Variants in ARSJ observed in about 807,000 individuals in gnomAD.
ARSJ encodes the protein arylsulfatase J.
A neutral mutation model predicts 35.9 loss-of-function variants in ARSJ; 26 were observed. The observed-to-expected ratio is 0.72, with a 90% CI of 0.53 to 1.00. The LOEUF is 1.00. ARSJ is among the 50% of genes least tolerant of loss of function. The pLI is 0.00. For missense variants in ARSJ, 667 were observed against 723.6 expected (o/e 0.92, Z 0.90); for synonymous variants, 294 against 267.6 (o/e 1.10, Z -0.96).
At chr4:113,930,275 T>C (rs959200243) in intron 1 of ARSJ, among the ~76,000 whole-genome samples, 1 of 152,082 alleles carries the variant, frequency 6.6e-6, no homozygotes, top group Admixed American at 6.6e-5. Flanking sequence ...ACTGAAGGAC[T>C]TGGAGTCTGA....
At chr4:113,919,994 T>A (rs145231353) in intron 1 of ARSJ, among the ~76,000 whole-genome samples, 2 of 151,746 alleles carry the variant, frequency 1.3e-5, no homozygotes, top group South Asian at 4.2e-4. Context: ...TCTATAGAAA[T>A]AAAGCACTTC....
intron 1 of ARSJ, among the ~76,000 whole-genome samples, chr4:113,906,509 C>G (rs1033794313): frequency 7.2e-5 from 11 of 152,098 alleles, no homozygotes; most frequent in Non-Finnish European, 2.9e-5. Flanking sequence ...AAATTTAAAA[C>G]CAGCAACATA....
intron 1 of ARSJ, among the ~76,000 whole-genome samples, chr4:113,917,342 C>A (rs1383649560): frequency 6.6e-6 from 1 of 152,110 alleles, no homozygotes; most frequent in Admixed American, 6.6e-5. Flanking sequence ...TATTCTTGAG[C>A]TTTTGCAATC....
chr4:113,950,523 G>A (rs1188765303), intron 1 of ARSJ, among the ~76,000 whole-genome samples: 1 of 151,978 alleles, frequency 6.6e-6, no homozygotes, highest in Non-Finnish European at 1.5e-5. Flanking sequence ...CAACAGTTGT[G>A]AGACAAATCT....
At chr4:113,912,106 G>A (rs970537775) in intron 1 of ARSJ, among the ~76,000 whole-genome samples, 5 of 152,170 alleles carry the variant, frequency 3.3e-5, no homozygotes, top group East Asian at 1.9e-4. Flanking sequence ...ATAGAGATTT[G>A]AGACTCATTA....
intron 1 of ARSJ, among the ~76,000 whole-genome samples, chr4:113,917,992 G>T (rs183654763): frequency 2.0e-5 from 3 of 152,232 alleles, no homozygotes; most frequent in African/African-American, 7.2e-5. Context: ...AAGAAATTAC[G>T]GAGTTCAATA....
rs1390027408 is a variant in ARSJ at position 113,978,533 on chromosome 4, G to A, written c.302C>T (p.Pro101Leu). 1.9e-6 allele frequency: 3 copies of A among 1,614,190 alleles called. No homozygotes were observed. Among genetic ancestry groups the A allele is most frequent in the East Asian group, 4.5e-5 (2 of 44,890 alleles). Residue 101 changes from proline to leucine, a missense_variant, in exon 1 of 2, where the codon CCT becomes CTT. Physicochemically the swap from Pro to Leu is moderately conservative, Grantham distance 98. Transcript: ENST00000315366. ...VGYHGSEIKT[P>L]TLDKLAAEGV... ...TTCGGCAGCGAGCTTGTCAAGAGTA[G>A]GTGTTTTAATCTCAGATCCGTGGTA...
rs70961865 is a variant in ARSJ, at chr4:113,979,104, G to GA, written c.-271dup. ...CCTCCCTAGAGCAGCTTCCACCAAG[G>GA]AAAAAAAAAAGAAAAAAGTTAATAT... On this transcript the variant is annotated 5_prime_UTR_variant, in exon 1 of 2. Coordinates refer to ENST00000315366, the MANE Select transcript of ARSJ (RefSeq NM_024590.4). The GA allele has an allele frequency of 0.39, 111,934 of 283,622 alleles. 19,733 individuals are homozygous for GA. Among genetic ancestry groups the GA allele is most frequent in the Non-Finnish European group, 0.49 (73,140 of 150,748 alleles). 17.6% of individuals were successfully genotyped at this position (283,622 alleles called of 1,614,324 possible).
Position 113,954,102 on chromosome 4 carries a change from G to T in ARSJ, c.398+24335C>A, listed in dbSNP as rs116431572. Reference sequence around the variant, plus strand: ...ATATTACCATCAAAATCTATGTTAGGTCTTCTGATGGGATTTCCTGTGGTT... The same window carrying T: ...ATATTACCATCAAAATCTATGTTAGTTCTTCTGATGGGATTTCCTGTGGTT... On this transcript the variant is annotated intron_variant, in intron 1 of 1. Coordinates refer to ENST00000315366, the MANE Select transcript of ARSJ (RefSeq NM_024590.4). Among the ~76,000 whole-genome samples, 239 of 151,996 alleles carry T rather than the reference G, an allele frequency of 1.6e-3. 1 individual carries two copies. The highest frequency in any genetic ancestry group is 2.7e-3 in the Non-Finnish European group (186 of 67,918).
Position 113,902,574 on chromosome 4 carries a change from G to A in ARSJ, c.1500C>T (p.Ala500=), listed in dbSNP as rs2099667462. 2 of 1,614,002 alleles carry A rather than the reference G, an allele frequency of 1.2e-6. No individual in the cohort carries two copies. The highest frequency in any genetic ancestry group is 3.3e-5 in the Admixed American group (2 of 59,994). The change falls in exon 2 of 2, where the codon GCC becomes GCT. Residue 500 remains alanine, a synonymous_variant. Coordinates refer to ENST00000315366, the MANE Select transcript of ARSJ (RefSeq NM_024590.4). ...ATAGGTCCACCCTCTCATATGGGTC[G>A]GCTGTGATGTTGAAAAGCCATACAC... ...GKSVWLFNIT[A]DPYERVDLSN...
chr4:113,958,227 G>T (rs1263315151), intron 1 of ARSJ, among the ~76,000 whole-genome samples: 2 of 151,952 alleles, frequency 1.3e-5, no homozygotes, highest in African/African-American at 2.4e-5. Context: ...GACGCAACAT[G>T]AACTGATTTA....
chr4:113,933,566 C>A (rs1724589535), intron 1 of ARSJ, among the ~76,000 whole-genome samples: 1 of 151,618 alleles, frequency 6.6e-6, no homozygotes, highest in Non-Finnish European at 1.5e-5. Context: ...CAATAAATTA[C>A]TTATTATATT....
chr4:113,975,441 G>GA (rs944548139), intron 1 of ARSJ, among the ~76,000 whole-genome samples: 2 of 151,878 alleles, frequency 1.3e-5, no homozygotes, highest in Non-Finnish European at 2.9e-5. Context: ...TCTCTTTTAA[G>GA]AAAAAAATGA....
At chr4:113,971,926 T>C (rs1727274681) in intron 1 of ARSJ, among the ~76,000 whole-genome samples, 1 of 152,238 alleles carries the variant, frequency 6.6e-6, no homozygotes, top group Non-Finnish European at 1.5e-5. Context: ...GCCTATCAAA[T>C]GAAATAATCA....
At chr4:113,952,424 G>T (rs1231950120) in intron 1 of ARSJ, among the ~76,000 whole-genome samples, 1 of 151,920 alleles carries the variant, frequency 6.6e-6, no homozygotes, top group African/African-American at 2.4e-5. Context: ...TGAGATACTA[G>T]TCTTCCATAT....
chr4:113,941,377 T>C (rs1223603378), intron 1 of ARSJ, among the ~76,000 whole-genome samples: 3 of 152,026 alleles, frequency 2.0e-5, no homozygotes, highest in African/African-American at 7.2e-5. Flanking sequence ...AGAAAATGTT[T>C]ATTTGGTTTC....
chr4:113,973,130 G>C (rs1304853687), intron 1 of ARSJ, among the ~76,000 whole-genome samples: 1 of 151,966 alleles, frequency 6.6e-6, no homozygotes, highest in Admixed American at 6.6e-5. Flanking sequence ...GATATCCATG[G>C]GAGTGATTAT....
chr4:113,971,966 C>T (rs1727278410), intron 1 of ARSJ, among the ~76,000 whole-genome samples: 1 of 152,228 alleles, frequency 6.6e-6, no homozygotes, highest in Non-Finnish European at 1.5e-5. Context: ...TACTTGACTC[C>T]TTCTCCTATC....
intron 1 of ARSJ, among the ~76,000 whole-genome samples, chr4:113,943,874 A>G (rs1269444196): frequency 6.6e-6 from 1 of 152,048 alleles, no homozygotes; most frequent in South Asian, 2.1e-4. Flanking sequence ...AGATGGCAGG[A>G]AACAAGGCCA....
Sources: gnomAD v4.1 joint callset for allele counts (sites outside exome capture counted in the v4.1 genomes callset) on GRCh38, gnomAD v4.1.1 for gene constraint, MANE v1.5 for transcripts, NCBI Gene and HGNC (gene_info 2026-07-23, HGNC 2026-07-21) for gene names.